Variants in SAG observed in about 807,000 individuals in gnomAD.
The protein encoded by SAG is S-arrestin.
In SAG, 45 loss-of-function variants were observed where a neutral mutation model predicts 55.0. That is an observed-to-expected ratio of 0.82 (90% CI 0.64 to 1.05). SAG has a LOEUF of 1.05. SAG is among the 50% of genes least tolerant of loss of function. The probability of loss-of-function intolerance (pLI) is 0.00; values close to 1 mark genes in which losing one functional copy is unlikely to be tolerated. For synonymous variants in SAG, 189 were observed against 197.4 expected, an observed-to-expected ratio of 0.96 and a Z score of 0.36; for missense variants, 455 against 512.1, an observed-to-expected ratio of 0.89 and a Z score of 1.08.
At position 233,310,994 on chromosome 2, in the gene SAG, C is replaced by T. The variant is rs74690994; in HGVS notation, c.75+1730C>T. On this transcript the variant is annotated intron_variant, in intron 2 of 15. Transcript: ENST00000409110. ...AAGCCCTTTCCCAAGTTGTATCTTT[C>T]CAGTCCATTTTATCTCAACTTCTGG... Among the ~76,000 whole-genome samples the T allele has an allele frequency of 9.3e-3, 1,417 of 152,216 alleles. 16 individuals are homozygous for T. The highest frequency in any genetic ancestry group is 0.032 in the African/African-American group (1,340 of 41,544).
rs1348061302 is a variant in SAG at position 233,319,649 on chromosome 2, T to A, written c.181+854T>A. 1 of 985,972 alleles carries A rather than the reference T, an allele frequency of 1.0e-6. No homozygotes were observed. Among genetic ancestry groups the A allele is most frequent in the Non-Finnish European group, 1.2e-6 (1 of 830,488 alleles). The allele number at this position is 985,972 out of a possible 1,614,324, so 61.1% of individuals were successfully genotyped here. ...CCCTCTGTCCTCTCCACCTTCCTCCTGGGTGCCCTGCTCCTCTCTGGACCA... is the reference window on the plus strand; with the variant it reads ...CCCTCTGTCCTCTCCACCTTCCTCCAGGGTGCCCTGCTCCTCTCTGGACCA... On this transcript the variant is annotated intron_variant, in intron 4 of 15. Transcript: ENST00000409110. This position sits in a 1 kb window ranked among gnomAD's most constrained non-coding sequence, Gnocchi z 4.4.
In SAG at chr2:233,319,361, C is replaced by T. The variant is rs1700310924; in HGVS notation, c.181+566C>T. Among the ~76,000 whole-genome samples the T allele has an allele frequency of 1.3e-5, 2 of 152,086 alleles. No individual in the cohort carries two copies. Among genetic ancestry groups the T allele is most frequent in the South Asian group, 2.1e-4 (1 of 4,814 alleles). On this transcript the variant is annotated intron_variant, in intron 4 of 15. Coordinates refer to ENST00000409110, the MANE Select transcript of SAG (RefSeq NM_000541.5). This position sits in a 1 kb window ranked among gnomAD's most constrained non-coding sequence, Gnocchi z 4.4. The stretch of plus-strand genomic sequence containing the variant: ...CGATGGTTCTGAACCAGTGTCACGG[C>T]GCCCTTGAAGATTTCTGGCAGTTTT...
At chr2:233,325,287 C>T (rs186816284) in intron 6 of SAG, among the ~76,000 whole-genome samples, 32 of 148,410 alleles carry the variant, frequency 2.2e-4, no homozygotes, top group African/African-American at 6.5e-4. Context: ...ACTTGGGAGG[C>T]GGAGGTTGCA....
At chr2:233,332,301 A>G (rs1700790830) in intron 10 of SAG, 1 of 153,502 alleles carries the variant, frequency 6.5e-6, no homozygotes, top group Non-Finnish European at 1.5e-5. Context: ...CATTTAATAC[A>G]TGGCTTGGAG....
Position 233,340,465 on chromosome 2 carries a change from G to A in SAG, c.1033G>A (p.Glu345Lys). The A allele has an allele frequency of 6.2e-7, 1 of 1,611,258 alleles. No individual in the cohort carries two copies. Among genetic ancestry groups the A allele is most frequent in the Non-Finnish European group, 8.5e-7 (1 of 1,178,500 alleles). ...VKLTVSGFLG[E>K]LTSSEVATEV... ...GTTTGTGTTTTCTAGCTTTCTGGGA[G>A]AGCTCACCTCCAGGTAAGCCTGTTC... Residue 345 changes from glutamate to lysine, a missense_variant, in exon 13 of 16, where the codon GAG becomes AAG. Coordinates refer to ENST00000409110, the MANE Select transcript of SAG (RefSeq NM_000541.5). The surrounding 1 kb of genome is among the most constrained non-coding windows in gnomAD (Gnocchi z 4.2).
At chr2:233,320,428 C>T (rs898867054) in intron 4 of SAG, among the ~76,000 whole-genome samples, 4 of 152,162 alleles carry the variant, frequency 2.6e-5, no homozygotes, top group African/African-American at 9.7e-5. Context: ...CCAGGATCTC[C>T]CTTTAGAGCG....
Position 233,340,614 on chromosome 2 carries a change from C to T in SAG, c.1046+136C>T. The T allele has an allele frequency of 1.4e-6, 1 of 702,856 alleles. No individual in the cohort carries two copies. Among genetic ancestry groups the T allele is most frequent in the Non-Finnish European group, 2.5e-6 (1 of 397,354 alleles). 43.5% of individuals were successfully genotyped at this position (702,856 alleles called of 1,614,324 possible). ...AGAGGTGTTAGGAATGATGCTTTGC[C>T]TTCGGATGCATCACAGAACCGTGGC... On this transcript the variant is annotated intron_variant, in intron 13 of 15. Coordinates refer to ENST00000409110, the MANE Select transcript of SAG (RefSeq NM_000541.5). This position sits in a 1 kb window ranked among gnomAD's most constrained non-coding sequence, Gnocchi z 4.2.
At chr2:233,308,707 G>A (rs946542561) in intron 1 of SAG, among the ~76,000 whole-genome samples, 6 of 152,174 alleles carry the variant, frequency 3.9e-5, no homozygotes, top group African/African-American at 1.4e-4. Flanking sequence ...GATGACAGGT[G>A]TGAGCCACAG....
At chr2:233,315,792 T>A (rs965813857) in intron 2 of SAG, among the ~76,000 whole-genome samples, 3 of 151,272 alleles carry the variant, frequency 2.0e-5, no homozygotes, top group Non-Finnish European at 2.9e-5. Flanking sequence ...AACCTCCGCC[T>A]CCCAGGTTTA....
At position 233,319,336 on chromosome 2, in the gene SAG, C is replaced by T. The variant is rs915708088; in HGVS notation, c.181+541C>T. ...CCAGAATTTATTATGGTGCTTACTTCGATGGTTCTGAACCAGTGTCACGGC... is the reference window on the plus strand; with the variant it reads ...CCAGAATTTATTATGGTGCTTACTTTGATGGTTCTGAACCAGTGTCACGGC... On this transcript the variant is annotated intron_variant, in intron 4 of 15. Coordinates refer to ENST00000409110, the MANE Select transcript of SAG (RefSeq NM_000541.5). The surrounding 1 kb of genome is among the most constrained non-coding windows in gnomAD (Gnocchi z 4.4). Among the ~76,000 whole-genome samples the T allele has an allele frequency of 1.3e-5, 2 of 151,924 alleles. No homozygotes were observed. Among genetic ancestry groups the T allele is most frequent in the South Asian group, 4.2e-4 (2 of 4,818 alleles).
chr2:233,321,891 A>G (rs954166614), intron 5 of SAG, among the ~76,000 whole-genome samples: 7 of 152,036 alleles, frequency 4.6e-5, no homozygotes, highest in Admixed American at 4.6e-4. Flanking sequence ...ACAATATGTC[A>G]ACACGTATTG....
At chr2:233,314,221 CAAA>C (rs59624953) in intron 2 of SAG, among the ~76,000 whole-genome samples, 1 of 133,602 alleles carries the variant, frequency 7.5e-6, no homozygotes, top group Non-Finnish European at 1.6e-5. Context: ...GACCTTGTCT[CAAA>C]AAAAAAAAAA....
chr2:233,332,864 T>C (rs887155557), intron 10 of SAG: 1 of 152,232 alleles, frequency 6.6e-6, no homozygotes, highest in African/African-American at 2.4e-5. Flanking sequence ...GGTTTCACCA[T>C]GTTAGCCAGG....
chr2:233,321,423 C>T (rs1442820778), intron 5 of SAG, among the ~76,000 whole-genome samples: 2 of 152,110 alleles, frequency 1.3e-5, no homozygotes, highest in Non-Finnish European at 2.9e-5. Flanking sequence ...CATGGTTCAG[C>T]CTTAAAAAGG....
chr2:233,334,924 T>C (rs111534314), intron 10 of SAG, 38 bp from the exon 11 acceptor site: 18 of 1,610,624 alleles, frequency 1.1e-5, no homozygotes, highest in African/African-American at 6.7e-5. Context: ...CATGGCAGCT[T>C]TGATGGTTAT....
chr2:233,319,799 T>A lies in SAG; in HGVS notation c.182-831T>A, dbSNP rs1700325236. Reference sequence around the variant, plus strand: ...TGGTCTCTGGGCACCTTCTTAGTCCTGAGCTTGAATGAGGGGCGAGTGAGT... The same window carrying A: ...TGGTCTCTGGGCACCTTCTTAGTCCAGAGCTTGAATGAGGGGCGAGTGAGT... On this transcript the variant is annotated intron_variant, in intron 4 of 15. Coordinates refer to ENST00000409110, the MANE Select transcript of SAG (RefSeq NM_000541.5). This position sits in a 1 kb window ranked among gnomAD's most constrained non-coding sequence, Gnocchi z 4.4. The A allele has an allele frequency of 1.0e-6, 1 of 985,476 alleles. No individual in the cohort carries two copies. Among genetic ancestry groups the A allele is most frequent in the Non-Finnish European group, 1.2e-6 (1 of 829,858 alleles). 61.0% of individuals were successfully genotyped at this position (985,476 alleles called of 1,614,324 possible). A position where few individuals can be genotyped will look rare whatever the true frequency, so the allele number is the denominator to read the frequency against.
intron 2 of SAG, among the ~76,000 whole-genome samples, chr2:233,314,436 A>G (rs771496621): frequency 6.6e-6 from 1 of 152,094 alleles, no homozygotes; most frequent in Non-Finnish European, 1.5e-5. Flanking sequence ...GGGGACAAAC[A>G]TCTGGCCCAC....
At chr2:233,330,654 C>A (rs1307684412) in intron 9 of SAG, among the ~76,000 whole-genome samples, 2 of 151,970 alleles carry the variant, frequency 1.3e-5, no homozygotes, top group Non-Finnish European at 2.9e-5. Flanking sequence ...CCTCAGCCTC[C>A]CAAGTAGCTG....
rs147281088 is a variant in SAG, at chr2:233,325,299, T to C, written c.436-1822T>C. On this transcript the variant is annotated intron_variant, in intron 6 of 15. Transcript: ENST00000409110. ...CAAACTTGGGAGGCGGAGGTTGCAG[T>C]GAACTGAAATTGTGCCACTACACTC... 1.9e-4 allele frequency among the ~76,000 whole-genome samples: 28 copies of C among 147,608 alleles called. No individual in the cohort carries two copies. In the East Asian group the frequency reaches 5.4e-3, roughly 28 times the overall value.
Sources: allele counts gnomAD v4.1 joint callset (sites outside exome capture counted in the v4.1 genomes callset), GRCh38; gene constraint gnomAD v4.1.1; non-coding constraint Gnocchi (gnomAD v3.1); transcripts MANE v1.5; gene names NCBI Gene and HGNC (gene_info 2026-07-23, HGNC 2026-07-21).